The following TTC39B variants were observed in gnomAD, a reference collection of about 807,000 sequenced individuals.
The protein encoded by TTC39B is tetratricopeptide repeat protein 39B.
TTC39B carries 92 observed loss-of-function variants against 96.6 expected under a neutral mutation model. The observed-to-expected ratio is 0.95, with a 90% CI of 0.80 to 1.13. The LOEUF (loss-of-function observed/expected upper bound fraction) is 1.13, where lower values mean the gene tolerates loss of function less well. TTC39B is among the 50% of genes most tolerant of loss of function. The pLI, the probability that TTC39B is intolerant of heterozygous loss-of-function variation, is 0.00. For missense variants in TTC39B, 955 were observed against 809.3 expected (o/e 1.18, Z -2.18); for synonymous variants, 367 against 299.4 (o/e 1.23, Z -2.33).
chr9:15,189,566 T>C lies in TTC39B; in HGVS notation c.1233+8A>G, dbSNP rs767846838. ...ACTCCCCCAAATAATTCCCACCTAA[T>C]AAATTACCTCTTCAAGATTCCCTTT... is the stretch of plus-strand genomic sequence containing the variant. On this transcript the variant is annotated splice_region_variant and intron_variant, in intron 13 of 19. Coordinates refer to ENST00000512701, the Ensembl canonical transcript of TTC39B. 112 of 1,613,932 alleles carry C rather than the reference T, an allele frequency of 6.9e-5. No individual in the cohort carries two copies. Among genetic ancestry groups the C allele is most frequent in the Non-Finnish European group, 9.2e-5 (109 of 1,179,998 alleles).
intron 6 of TTC39B, among the ~76,000 whole-genome samples, chr9:15,205,076 G>C (rs1819768489): frequency 6.6e-6 from 1 of 152,186 alleles, no homozygotes; most frequent in South Asian, 2.1e-4. Context: ...ACGAGCTATG[G>C]GACCTCGTCC....
At chr9:15,234,749 G>C (rs1478824671) in intron 2 of TTC39B, among the ~76,000 whole-genome samples, 1 of 151,710 alleles carries the variant, frequency 6.6e-6, no homozygotes, top group East Asian at 1.9e-4. Flanking sequence ...TGTGCTCTCT[G>C]AAACATGTGC....
At chr9:15,171,923 C>T in exon 20 of TTC39B, 2 of 924,440 alleles carry the variant, frequency 2.2e-6, no homozygotes, top group Admixed American at 2.4e-5. Flanking sequence ...TTTTTTGTCT[C>T]TTATTCACAA....
At chr9:15,237,361 A>T (rs1821832190) in intron 2 of TTC39B, among the ~76,000 whole-genome samples, 1 of 152,166 alleles carries the variant, frequency 6.6e-6, no homozygotes, top group African/African-American at 2.4e-5. Context: ...CTTCAAAAGG[A>T]TAAACCAATT....
rs1824190525 is a variant in TTC39B, at chr9:15,291,553, AAGC to A, written c.240+15528_240+15530del. Among the ~76,000 whole-genome samples, 7 of 152,348 alleles carry A rather than the reference AAGC, an allele frequency of 4.6e-5. No homozygotes were observed. In the South Asian group the frequency reaches 1.2e-3, roughly 27 times the overall value. On this transcript the variant is annotated intron_variant, in intron 1 of 19. Coordinates refer to ENST00000512701, the Ensembl canonical transcript of TTC39B. ...GAACGGATTAATACAATTTGCAAGA[AAGC>A]AGATGATATGTAGAGTTCATATGGA...
At chr9:15,239,209 A>G (rs930592867) in intron 2 of TTC39B, among the ~76,000 whole-genome samples, 9 of 152,176 alleles carry the variant, frequency 5.9e-5, no homozygotes, top group African/African-American at 2.2e-4. Context: ...TTAAAACCAC[A>G]ATGAGATATC....
chr9:15,223,272 T>C (rs886279797), intron 3 of TTC39B, among the ~76,000 whole-genome samples: 1 of 152,190 alleles, frequency 6.6e-6, no homozygotes, highest in Non-Finnish European at 1.5e-5. Flanking sequence ...AAACACTCTG[T>C]AAGACTAAAC....
At chr9:15,185,490 C>T in intron 15 of TTC39B, 84 bp from the exon 16 acceptor site, 6 of 1,573,970 alleles carry the variant, frequency 3.8e-6, no homozygotes, top group Non-Finnish European at 5.2e-6. Flanking sequence ...CAGTGAACTT[C>T]ACAGACCACC....
At chr9:15,282,182 C>CA in intron 1 of TTC39B, among the ~76,000 whole-genome samples, 1 of 152,076 alleles carries the variant, frequency 6.6e-6, no homozygotes. Flanking sequence ...TCAAAACTCG[C>CA]AAAAAATAGA....
chr9:15,206,581 C>G (rs1819869183), intron 6 of TTC39B, among the ~76,000 whole-genome samples: 1 of 152,282 alleles, frequency 6.6e-6, no homozygotes, highest in Non-Finnish European at 1.5e-5. Flanking sequence ...CAGAATATCT[C>G]TTAATTATAA....
chr9:15,301,021 C>T (rs960782462), intron 1 of TTC39B, among the ~76,000 whole-genome samples: 1 of 152,006 alleles, frequency 6.6e-6, no homozygotes, highest in Non-Finnish European at 1.5e-5. Flanking sequence ...GGTTTCTGCC[C>T]TTGACACTCT....
chr9:15,266,949 G>A (rs979807201), intron 2 of TTC39B, among the ~76,000 whole-genome samples: 2 of 152,130 alleles, frequency 1.3e-5, no homozygotes, highest in African/African-American at 2.4e-5. Context: ...GCGTGGTGGC[G>A]GGAGCTGTAA....
chr9:15,164,413 A>G (rs777581227), exon 20 of TTC39B: 10 of 152,198 alleles, frequency 6.6e-5, no homozygotes, highest in Non-Finnish European at 1.5e-4. Context: ...ACACATTATC[A>G]AAGAATTCTG....
intron 2 of TTC39B, among the ~76,000 whole-genome samples, chr9:15,265,916 C>G (rs1036375540): frequency 2.0e-5 from 3 of 152,014 alleles, no homozygotes; most frequent in African/African-American, 4.8e-5. Flanking sequence ...TCAAGGTCAC[C>G]GAAAACGAGA....
chr9:15,251,103 G>C (rs910044379), intron 2 of TTC39B, among the ~76,000 whole-genome samples: 1 of 152,156 alleles, frequency 6.6e-6, no homozygotes, highest in African/African-American at 2.4e-5. Flanking sequence ...GGCTGAGGCA[G>C]AAGAATCGCT....
intron 1 of TTC39B, among the ~76,000 whole-genome samples, chr9:15,275,046 T>G (rs1823488158): frequency 6.6e-6 from 1 of 152,044 alleles, no homozygotes; most frequent in Non-Finnish European, 1.5e-5. Context: ...AATTCTGTTT[T>G]TTTTTTTTTC....
chr9:15,194,811 G>A (rs937674772), intron 8 of TTC39B, among the ~76,000 whole-genome samples: 6 of 152,258 alleles, frequency 3.9e-5, no homozygotes, highest in African/African-American at 9.6e-5. Context: ...ATATAAGAGC[G>A]AAAGTTATCA....
At chr9:15,289,874 T>C (rs917699116) in intron 1 of TTC39B, among the ~76,000 whole-genome samples, 1 of 152,182 alleles carries the variant, frequency 6.6e-6, no homozygotes, top group Non-Finnish European at 1.5e-5. Flanking sequence ...ATCATCTGCT[T>C]TCTTGCAAGT....
At chr9:15,249,819 A>C in intron 2 of TTC39B, 1 of 1,011,104 alleles carries the variant, frequency 9.9e-7, no homozygotes, top group Non-Finnish European at 1.2e-6. Context: ...TGGAGTTTAA[A>C]AAATTTACAT....
Sources: allele counts gnomAD v4.1 joint callset (sites outside exome capture counted in the v4.1 genomes callset), GRCh38; gene constraint gnomAD v4.1.1; transcripts MANE v1.5; gene names NCBI Gene and HGNC (gene_info 2026-07-23, HGNC 2026-07-21).